NIPSNAP1: variants seen among roughly 807,000 people sequenced by gnomAD.
The protein encoded by NIPSNAP1 is protein NipSnap homolog 1.
A neutral mutation model predicts 49.2 loss-of-function variants in NIPSNAP1; 25 were observed. The observed-to-expected ratio is 0.51, with a 90% confidence interval of 0.37 to 0.71. The LOEUF is 0.71. Ranked by LOEUF, NIPSNAP1 falls within the 30% of genes least tolerant of loss-of-function variation. The probability of loss-of-function intolerance (pLI) is 0.00; values close to 1 mark genes in which losing one functional copy is unlikely to be tolerated. For missense variants in NIPSNAP1, 294 were observed against 361.0 expected (o/e 0.81, Z 1.50); for synonymous variants, 143 against 140.7 (o/e 1.02, Z -0.12).
chr22:29,576,342 C>A (rs994181069), intron 1 of NIPSNAP1, among the ~76,000 whole-genome samples: 1 of 150,660 alleles, frequency 6.6e-6, no homozygotes, highest in African/African-American at 2.5e-5. Flanking sequence ...TTGAGACCAG[C>A]CTGGGAAACA....
intron 4 of NIPSNAP1, among the ~76,000 whole-genome samples, chr22:29,563,833 A>C (rs1250082245): frequency 6.6e-6 from 1 of 152,192 alleles, no homozygotes; most frequent in East Asian, 1.9e-4. Flanking sequence ...CTACAAGCCA[A>C]GGAACACTAA....
intron 1 of NIPSNAP1, chr22:29,580,325 C>T (rs942574118): frequency 4.2e-6 from 4 of 953,854 alleles, no homozygotes; most frequent in Non-Finnish European, 5.0e-6. Flanking sequence ...CCTAGCTCAG[C>T]CCAGAGCAGG....
At chr22:29,567,757 G>A (rs978015967) in intron 4 of NIPSNAP1, among the ~76,000 whole-genome samples, 5 of 152,120 alleles carry the variant, frequency 3.3e-5, no homozygotes, top group Non-Finnish European at 7.4e-5. Context: ...TCAGGAGGCT[G>A]AGGTAGGAGG....
intron 1 of NIPSNAP1, chr22:29,580,160 G>A (rs1406772099): frequency 7.7e-7 from 1 of 1,304,126 alleles, no homozygotes; most frequent in South Asian, 1.2e-5. Flanking sequence ...GGGAGGCTGG[G>A]GAAACAGAGA....
intron 1 of NIPSNAP1, among the ~76,000 whole-genome samples, chr22:29,575,079 G>T (rs1035533205): frequency 5.3e-5 from 8 of 152,166 alleles, no homozygotes; most frequent in African/African-American, 1.9e-4. Flanking sequence ...CCCACCTCAG[G>T]TTGGGCACTG....
At chr22:29,580,847 T>C in intron 1 of NIPSNAP1, 138 bp downstream of exon 1, 1 of 651,330 alleles carries the variant, frequency 1.5e-6, no homozygotes, top group Non-Finnish European at 2.5e-6. Context: ...GACCCCTCCC[T>C]AGGCCTTGAT....
In NIPSNAP1 at chr22:29,577,710, G is replaced by A. The variant is rs549193069; in HGVS notation, c.98+3275C>T. Among the ~76,000 whole-genome samples the A allele has an allele frequency of 4.0e-4, 60 of 150,244 alleles. 1 individual carries two copies. Among genetic ancestry groups the A allele is most frequent in the Middle Eastern group, 3.4e-3 (1 of 292 alleles). ...ATTACAGGTGTGAGCCAACGCACCC[G>A]GCATGTTTTTTTGTTTTGTTTTGTT... On this transcript the variant is annotated intron_variant, in intron 1 of 9. Transcript: ENST00000216121.
intron 4 of NIPSNAP1, among the ~76,000 whole-genome samples, chr22:29,562,705 T>C (rs980626183): frequency 1.3e-5 from 2 of 151,068 alleles, no homozygotes; most frequent in African/African-American, 2.4e-5. Context: ...AAAAAAGAGA[T>C]TGACAGTAGA....
chr22:29,571,287 G>A (rs901984259), intron 1 of NIPSNAP1, among the ~76,000 whole-genome samples: 1 of 152,188 alleles, frequency 6.6e-6, no homozygotes, highest in Non-Finnish European at 1.5e-5. Flanking sequence ...CAGAGGAGGA[G>A]ATGAGCTGGT....
At chr22:29,575,447 T>C (rs909895069) in intron 1 of NIPSNAP1, among the ~76,000 whole-genome samples, 2 of 152,088 alleles carry the variant, frequency 1.3e-5, no homozygotes, top group Admixed American at 6.6e-5. Context: ...AAGAAGGAGC[T>C]TGTCAAAGAT....
At chr22:29,580,405 G>A in intron 1 of NIPSNAP1, 3 of 383,098 alleles carry the variant, frequency 7.8e-6, no homozygotes, top group Non-Finnish European at 1.1e-5. Flanking sequence ...GCCACCAGTT[G>A]GGTGCAAAGT....
chr22:29,566,338 C>T (rs1281121837), intron 4 of NIPSNAP1, among the ~76,000 whole-genome samples: 3 of 151,820 alleles, frequency 2.0e-5, no homozygotes, highest in African/African-American at 7.3e-5. Context: ...ACAGGGTCCT[C>T]ACTGTGTTGC....
intron 1 of NIPSNAP1, 70 bp from the exon 2 acceptor site, chr22:29,570,602 T>A: frequency 6.4e-7 from 1 of 1,566,416 alleles, no homozygotes; most frequent in Non-Finnish European, 8.7e-7. Flanking sequence ...TCCACTTGGA[T>A]GTCCTGCTCC....
At chr22:29,574,289 A>AAAAAAAAGAAAAAG (rs2064434492) in intron 1 of NIPSNAP1, among the ~76,000 whole-genome samples, 2 of 125,262 alleles carry the variant, frequency 1.6e-5, no homozygotes, top group African/African-American at 6.6e-5. Context: ...AAAAAAAAAA[A>AAAAAAAAGAAAAAG]AAAGAAAGAA....
intron 4 of NIPSNAP1, among the ~76,000 whole-genome samples, chr22:29,567,223 T>C (rs2146608389): frequency 6.6e-6 from 1 of 152,326 alleles, no homozygotes; most frequent in South Asian, 2.1e-4. Context: ...GCTGAGATGC[T>C]GTGAGTCAGC....
chr22:29,570,015 G>T, intron 3 of NIPSNAP1, 147 bp downstream of exon 3: 1 of 728,118 alleles, frequency 1.4e-6, no homozygotes, highest in Non-Finnish European at 2.4e-6. Flanking sequence ...GAGAAAGAAA[G>T]AAAGAAAGAA....
intron 8 of NIPSNAP1, 82 bp downstream of exon 8, chr22:29,560,652 A>G: frequency 1.9e-6 from 2 of 1,066,712 alleles, no homozygotes; most frequent in Non-Finnish European, 1.5e-6. Context: ...CTATGAGGAC[A>G]CTAATACAAC....
chr22:29,575,169 T>A (rs1205640066), intron 1 of NIPSNAP1, among the ~76,000 whole-genome samples: 1 of 152,200 alleles, frequency 6.6e-6, no homozygotes, highest in Non-Finnish European at 1.5e-5. Context: ...CAGCTCCTAC[T>A]ATTTATCAAC....
At chr22:29,558,981 C>CTGTGCCTGAGGAATG in intron 8 of NIPSNAP1, 28 bp from the exon 9 acceptor site, 5 of 1,563,300 alleles carry the variant, frequency 3.2e-6, no homozygotes, top group Non-Finnish European at 4.4e-6. Flanking sequence ...GCTCATTCCT[C>CTGTGCCTGAGGAATG]AGGCACAGAG....
Sources: gnomAD v4.1 joint callset for allele counts (sites outside exome capture counted in the v4.1 genomes callset) on GRCh38, gnomAD v4.1.1 for gene constraint, MANE v1.5 for transcripts, NCBI Gene and HGNC (gene_info 2026-07-23, HGNC 2026-07-21) for gene names.